NBPF12: variants seen among roughly 807,000 people sequenced by gnomAD.
The protein encoded by NBPF12 is NBPF member 12.
In NBPF12, 115 loss-of-function variants were observed where a neutral mutation model predicts 146.4. The ratio of observed to expected loss-of-function variants is 0.79; its 90% confidence interval spans 0.68 to 0.92. The LOEUF (loss-of-function observed/expected upper bound fraction) is 0.92. Among genes scored for constraint, NBPF12 ranks in the 40% least tolerant of loss-of-function variants. The pLI, the probability that NBPF12 is intolerant of heterozygous loss-of-function variation, is 0.00. For synonymous variants in NBPF12, 385 were observed against 508.9 expected (o/e 0.76, Z 3.28); for missense variants, 1,205 against 1,326.8 (o/e 0.91, Z 1.43).
chr1:146,940,897 C>T (rs1270092714), intron 1 of NBPF12, among the ~76,000 whole-genome samples: 2 of 151,758 alleles, frequency 1.3e-5, no homozygotes, highest in African/African-American at 4.9e-5. Context: ...TTTATATGTC[C>T]TCTTTCATGA....
intron 19 of NBPF12, among the ~76,000 whole-genome samples, chr1:146,982,692 A>C (rs1657470160): frequency 6.7e-6 from 1 of 150,274 alleles, no homozygotes; most frequent in Non-Finnish European, 1.5e-5. Context: ...GGGTGCCCTG[A>C]GTTGGCTCAT....
chr1:146,946,211 C>T (rs1365626463), upstream of NBPF12, among the ~76,000 whole-genome samples: 17 of 151,514 alleles, frequency 1.1e-4, no homozygotes, highest in Non-Finnish European at 2.2e-4. Flanking sequence ...TTGGGTACTT[C>T]CAAGTTTTGA....
At chr1:146,965,979 C>T (rs1456629779) in intron 8 of NBPF12, among the ~76,000 whole-genome samples, 15 of 151,334 alleles carry the variant, frequency 9.9e-5, no homozygotes, top group Middle Eastern at 3.4e-3. Flanking sequence ...TGTTACTTGG[C>T]GCTTGTAATC....
In NBPF12 at chr1:146,971,003, A is replaced by G. The variant is rs1656574839; in HGVS notation, c.1380-180A>G. On this transcript the variant is annotated intron_variant, in intron 12 of 33. Coordinates refer to ENST00000617844, the Ensembl canonical transcript of NBPF12. ...GCTGCTCTCTTCCTCTCTGGCTCCCATGGCAGCCATGCTCTGTTGCAGAGA... is the reference window on the plus strand; with the variant it reads ...GCTGCTCTCTTCCTCTCTGGCTCCCGTGGCAGCCATGCTCTGTTGCAGAGA... Among the ~76,000 whole-genome samples, 3 of 151,292 alleles carry G rather than the reference A, an allele frequency of 2.0e-5. 1 individual carries two copies. Among genetic ancestry groups the G allele is most frequent in the African/African-American group, 7.4e-5 (3 of 40,754 alleles).
At chr1:146,964,485 A>G (rs1310282852) in intron 7 of NBPF12, 56 bp downstream of exon 10, 421,979 of 1,405,362 alleles carry the variant, frequency 0.3, 61,455 homozygotes, top group Admixed American at 0.53. Context: ...AAATGTCTAG[A>G]AGGCACACCC....
chr1:146,949,973 G>A (rs2101821719), intron 1 of NBPF12, among the ~76,000 whole-genome samples: 1 of 152,052 alleles, frequency 6.6e-6, no homozygotes, highest in Admixed American at 6.5e-5. Context: ...TCCAGTTCAT[G>A]CGGTAACCTC....
At chr1:146,954,595 A>G (rs1356067655) in intron 2 of NBPF12, among the ~76,000 whole-genome samples, 49 of 150,370 alleles carry the variant, frequency 3.3e-4, no homozygotes, top group African/African-American at 1.2e-3. Context: ...TTCTAATAAA[A>G]ATTCCAAGCG....
At chr1:146,945,006 TCCTTCCTCCCTCCCTC>T (rs1654974418), upstream of NBPF12, among the ~76,000 whole-genome samples, 4 of 8,118 alleles carry the variant, frequency 4.9e-4, no homozygotes, top group Admixed American at 1.4e-3. Context: ...CTCCCTCCCT[TCCTTCCTCCCTCCCTC>T]CCTTCCTTCC....
chr1:146,961,968 G>A (rs1351564815), intron 4 of NBPF12, among the ~76,000 whole-genome samples, 193 bp from the exon 8 acceptor site: 5 of 151,152 alleles, frequency 3.3e-5, no homozygotes, highest in South Asian at 2.1e-4. Context: ...CTCTTTCTTC[G>A]TCTTTAAATT....
At chr1:146,969,878 G>C (rs1438435739) in intron 11 of NBPF12, among the ~76,000 whole-genome samples, 1 of 150,948 alleles carries the variant, frequency 6.6e-6, no homozygotes, top group Non-Finnish European at 1.5e-5. Context: ...GCTGTGATGG[G>C]AGGGCGCTTG....
intron 19 of NBPF12, among the ~76,000 whole-genome samples, chr1:146,981,671 C>G (rs1657405279): frequency 6.6e-6 from 1 of 151,894 alleles, no homozygotes; most frequent in South Asian, 2.1e-4. Flanking sequence ...TTCCATTCTC[C>G]CCATCACTTT....
chr1:146,951,315 G>A (rs1655316013), intron 1 of NBPF12, 33 bp from the exon 5 acceptor site: 3 of 687,218 alleles, frequency 4.4e-6, no homozygotes. Flanking sequence ...TTCCTCTGGG[G>A]AGGTAAATAA....
At chr1:146,960,259 A>C (rs1655768217) in exon 4 of NBPF12, 2 of 1,413,218 alleles carry the variant, frequency 1.4e-6, no homozygotes, top group Non-Finnish European at 2.0e-6. Context: ...AGAAACCTCA[A>C]AGAGAGATGT....
upstream of NBPF12, among the ~76,000 whole-genome samples, chr1:146,938,522 G>A (rs1378454813): frequency 3.3e-5 from 5 of 152,114 alleles, no homozygotes; most frequent in East Asian, 5.8e-4. Context: ...GGATTTTCCC[G>A]TCCCCGCTGC....
intron 1 of NBPF12, among the ~76,000 whole-genome samples, chr1:146,940,060 A>T (rs1654726873): frequency 6.6e-6 from 1 of 152,044 alleles, no homozygotes; most frequent in Non-Finnish European, 1.5e-5. Flanking sequence ...TCTTTGCCGA[A>T]AGAATGAATC....
intron 1 of NBPF12, among the ~76,000 whole-genome samples, chr1:146,941,647 A>G (rs1185777822): frequency 1.4e-5 from 2 of 145,716 alleles, no homozygotes; most frequent in African/African-American, 5.1e-5. Flanking sequence ...CCAGCTACTC[A>G]GGAGGCTGAG....
chr1:146,942,579 G>C (rs1474911983), intron 1 of NBPF12, among the ~76,000 whole-genome samples: 1 of 149,648 alleles, frequency 6.7e-6, no homozygotes, highest in African/African-American at 2.5e-5. Flanking sequence ...CAAGTGTCAC[G>C]GTTTTCACCA....
exon 3 of NBPF12, chr1:146,959,978 T>C: frequency 6.2e-6 from 2 of 320,176 alleles, no homozygotes; most frequent in Non-Finnish European, 5.3e-6. Context: ...CCTAAAGTGC[T>C]GTGGGGAGTG....
Position 146,970,584 on chromosome 1 carries a change from G to C in NBPF12, c.1307-63G>C, listed in dbSNP as rs1205816234. On this transcript the variant is annotated intron_variant, in intron 11 of 33. Coordinates refer to ENST00000617844, the Ensembl canonical transcript of NBPF12. ...AGATGTTCATGTCTCTGTGCACGTT[G>C]GGCTGACTGTGCTTGCAGAATGTGA... 2.1e-5 allele frequency: 33 copies of C among 1,559,494 alleles called. 1 individual carries two copies. The highest frequency in any genetic ancestry group is 4.2e-5 in the African/African-American group (3 of 72,280).
Sources: gnomAD v4.1 joint callset for allele counts (sites outside exome capture counted in the v4.1 genomes callset) on GRCh38, gnomAD v4.1.1 for gene constraint, MANE v1.5 for transcripts, NCBI Gene and HGNC (gene_info 2026-07-23, HGNC 2026-07-21) for gene names.